Variants in FAM83E observed in about 807,000 individuals in gnomAD.
FAM83E encodes scaffolding CK1 anchoring protein E.
FAM83E carries 29 observed loss-of-function variants against 34.3 expected under a neutral mutation model. The ratio of observed to expected loss-of-function variants is 0.85; its 90% confidence interval spans 0.63 to 1.15. FAM83E has a LOEUF of 1.15. FAM83E is among the 50% of genes most tolerant of loss of function. The pLI is 0.00. For synonymous variants in FAM83E, 312 were observed against 311.6 expected (o/e 1.00, Z -0.01); for missense variants, 697 against 685.0 (o/e 1.02, Z -0.20).
At chr19:48,607,460 G>A (rs924038310) in intron 5 of FAM83E, 1 of 1,411,670 alleles carries the variant, frequency 7.1e-7, no homozygotes, top group Non-Finnish European at 9.5e-7. Flanking sequence ...ACAACCTCTT[G>A]CGGCCCTGGC....
intron 6 of FAM83E, among the ~76,000 whole-genome samples, chr19:48,603,086 T>C (rs1420246844): frequency 1.3e-5 from 2 of 151,756 alleles, no homozygotes; most frequent in Non-Finnish European, 2.9e-5. Context: ...TCTCCCTGTT[T>C]CAGGAATGTA....
In FAM83E at chr19:48,614,330, C is replaced by T; in HGVS notation, c.-958G>A. 1.1e-5 allele frequency: 11 copies of T among 985,662 alleles called. No individual in the cohort carries two copies. The highest frequency in any genetic ancestry group is 1.3e-5 in the Non-Finnish European group (11 of 830,160). The allele number at this position is 985,662 out of a possible 1,614,324, so 61.1% of individuals were successfully genotyped here. A position where few individuals can be genotyped will look rare whatever the true frequency, so the allele number is the denominator to read the frequency against. ...CCCTCCTCAGGCTGGCTGCCCCTGCCTGGGGCCTGGCCCTGGGACCTGTTC... is the reference window on the plus strand; with the variant it reads ...CCCTCCTCAGGCTGGCTGCCCCTGCTTGGGGCCTGGCCCTGGGACCTGTTC... On this transcript the variant is annotated 5_prime_UTR_variant, in exon 3 of 7. Coordinates refer to ENST00000263266, the MANE Select transcript of FAM83E (RefSeq NM_017708.4).
chr19:48,604,321 G>GGT, intron 5 of FAM83E, among the ~76,000 whole-genome samples: 2 of 130,162 alleles, frequency 1.5e-5, no homozygotes, highest in African/African-American at 6.9e-5. Context: ...TTGACCCTGG[G>GGT]ATTTTTTTTT....
chr19:48,601,495 T>G (rs1601120742), intron 6 of FAM83E, 126 bp from the exon 7 acceptor site: 611 of 1,457,676 alleles, frequency 4.2e-4, no homozygotes, highest in Non-Finnish European at 5.0e-4. Context: ...CCAGGCACGG[T>G]GGCTCACGCC....
chr19:48,612,109 G>A (rs763494228), intron 3 of FAM83E, among the ~76,000 whole-genome samples: 5 of 152,192 alleles, frequency 3.3e-5, no homozygotes, highest in African/African-American at 9.7e-5. Flanking sequence ...CCGTGCCTCC[G>A]TGGGCACAAT....
chr19:48,603,526 G>A lies in FAM83E; in HGVS notation c.1144C>T (p.Gln382Ter), dbSNP rs868642053. 3 of 1,568,712 alleles carry A rather than the reference G, an allele frequency of 1.9e-6. No individual in the cohort carries two copies. Among genetic ancestry groups the A allele is most frequent in the Admixed American group, 1.8e-5 (1 of 56,696 alleles). Reference protein sequence around the residue: ...RSMWDLSRLSQLSGSSDGDNE... With the variant: ...RSMWDLSRLS ...TCCCCATCACTGGAGCCAGACAGCT[G>A]GGACAGGCGGCTTAGGTCCCACATG... is the stretch of plus-strand genomic sequence containing the variant. The change falls in exon 6 of 7, where the codon CAG (glutamine) becomes TAG (stop). Residue 382 changes from glutamine (Q) to a stop codon, truncating the protein, a stop_gained. Transcript: ENST00000263266. LOFTEE classifies it low-confidence loss of function (END_TRUNC).
intron 5 of FAM83E, chr19:48,606,705 G>A (rs547051575): frequency 5.6e-4 from 273 of 490,008 alleles, no homozygotes; most frequent in Non-Finnish European, 8.8e-4. Context: ...TCCCCAGAGC[G>A]GCCAGTGGGA....
intron 5 of FAM83E, chr19:48,606,677 C>T (rs1419140393): frequency 5.0e-6 from 2 of 397,526 alleles, no homozygotes; most frequent in Non-Finnish European, 9.3e-6. Context: ...ACACCCACTC[C>T]TCTCACCTAT....
At chr19:48,602,707 AT>A (rs869107436) in intron 6 of FAM83E, among the ~76,000 whole-genome samples, 23 of 29,148 alleles carry the variant, frequency 7.9e-4, no homozygotes, top group South Asian at 1.9e-3. Flanking sequence ...AAAAAAAAAT[AT>A]ATATATATAT....
intron 5 of FAM83E, among the ~76,000 whole-genome samples, chr19:48,607,898 G>A (rs1601128165): frequency 6.7e-6 from 1 of 150,304 alleles, no homozygotes; most frequent in South Asian, 2.1e-4. Context: ...CCTGTCTTAC[G>A]TTACGTGCCA....
intron 5 of FAM83E, chr19:48,606,742 A>C (rs1289996500): frequency 1.8e-6 from 1 of 566,854 alleles, no homozygotes; most frequent in African/African-American, 1.9e-5. Flanking sequence ...GAGATCACTC[A>C]TTCCATTCAC....
chr19:48,600,964 A>C lies in FAM83E; in HGVS notation c.*145T>G, dbSNP rs1044233342. On this transcript the variant is annotated 3_prime_UTR_variant, in exon 7 of 7. Transcript: ENST00000263266. The stretch of plus-strand genomic sequence containing the variant: ...CACCACTCCCGGCCCAAGTTGCAGA[A>C]CAAGTGACAAACATCCCTTCTGCTT... 2 of 1,457,040 alleles carry C rather than the reference A, an allele frequency of 1.4e-6. No individual in the cohort carries two copies. Among genetic ancestry groups the C allele is most frequent in the African/African-American group, 2.9e-5 (2 of 69,854 alleles). 90.3% of individuals were successfully genotyped at this position (1,457,040 alleles called of 1,614,324 possible).
At chr19:48,607,523 C>G in intron 5 of FAM83E, 1 of 891,882 alleles carries the variant, frequency 1.1e-6, no homozygotes, top group Non-Finnish European at 1.7e-6. Context: ...GGAAGCATCC[C>G]CAGGCCTGAC....
At chr19:48,603,997 C>T (rs954561063) in intron 5 of FAM83E, 86 bp from the exon 6 acceptor site, 16 of 1,412,540 alleles carry the variant, frequency 1.1e-5, no homozygotes, top group Admixed American at 1.0e-4. Flanking sequence ...CAGGGGAGAC[C>T]GTAGGACCTC....
intron 5 of FAM83E, chr19:48,607,632 C>G (rs557017689): frequency 3.8e-5 from 18 of 475,076 alleles, no homozygotes; most frequent in African/African-American, 2.7e-4. Context: ...GGATGCTTCT[C>G]TCCATTGGTA....
At position 48,613,853 on chromosome 19, in the gene FAM83E, G is replaced by A; in HGVS notation, c.-481C>T. ...CCACTTGATCATTTCCAGGCGGCAA[G>A]CTGCCTGCCTGTCTCTAATCACCCA... On this transcript the variant is annotated 5_prime_UTR_variant, in exon 3 of 7. Coordinates refer to ENST00000263266, the MANE Select transcript of FAM83E (RefSeq NM_017708.4). The A allele has an allele frequency of 1.0e-6, 1 of 985,418 alleles. No individual in the cohort carries two copies. Among genetic ancestry groups the A allele is most frequent in the Non-Finnish European group, 1.2e-6 (1 of 829,924 alleles). The allele number at this position is 985,418 out of a possible 1,614,324, so 61.0% of individuals were successfully genotyped here.
Position 48,613,257 on chromosome 19 carries a change from AAC to A in FAM83E, c.114_115del (p.Leu39GlufsTer24), listed in dbSNP as rs1568422519. The A allele has an allele frequency of 6.2e-7, 1 of 1,610,156 alleles. No homozygotes were observed. The highest frequency in any genetic ancestry group is 2.2e-5 in the East Asian group (1 of 44,878). ...CTGGAACGCCTCCGCGCCCTTGCTC[AAC>A]AGAGCCTCCAGTGCCAGCCGCTGGC... On this transcript the variant is annotated frameshift_variant, in exon 3 of 7. Transcript: ENST00000263266. LOFTEE classifies it high-confidence loss of function.
Position 48,603,593 on chromosome 19 carries a change from G to C in FAM83E, c.1077C>G (p.Arg359=). The C allele has an allele frequency of 6.5e-7, 1 of 1,536,820 alleles. No homozygotes were observed. Among genetic ancestry groups the C allele is most frequent in the South Asian group, 1.2e-5 (1 of 84,632 alleles). ...CCGGGGGGCCGCTGGGGGTCCGGGC[G>C]CGCTGCACACTCCTTAGAATGTCAC... ...ALSDILRSVQ[R]ARTPSGPPAR... is the part of the protein sequence containing the mutation. Residue 359 remains arginine, a synonymous_variant, in exon 6 of 7, where the codon CGC becomes CGG. Coordinates refer to ENST00000263266, the MANE Select transcript of FAM83E (RefSeq NM_017708.4).
chr19:48,601,422 G>T, intron 6 of FAM83E, 53 bp from the exon 7 acceptor site: 1 of 1,539,724 alleles, frequency 6.5e-7, no homozygotes, highest in Non-Finnish European at 8.8e-7. Context: ...GGCCCTGGGG[G>T]CATCCCAGAT....
Sources: gnomAD v4.1 joint callset for allele counts (sites outside exome capture counted in the v4.1 genomes callset) on GRCh38, gnomAD v4.1.1 for gene constraint, MANE v1.5 for transcripts, NCBI Gene and HGNC (gene_info 2026-07-23, HGNC 2026-07-21) for gene names.